The following SLC66A3 variants were observed in gnomAD, a reference collection of about 807,000 sequenced individuals.
The protein encoded by SLC66A3 is solute carrier family 66 member 3, also known as PQ loop repeat containing 3.
SLC66A3 carries 23 observed loss-of-function variants against 25.5 expected under a neutral mutation model. That is an observed-to-expected ratio of 0.90 (90% CI 0.65 to 1.28). SLC66A3 has a LOEUF of 1.28. SLC66A3 is among the 50% of genes most tolerant of loss of function. The probability of loss-of-function intolerance (pLI) is 0.00; values close to 1 mark genes in which losing one functional copy is unlikely to be tolerated. For missense variants in SLC66A3, 246 were observed against 262.1 expected (o/e 0.94, Z 0.42); for synonymous variants, 108 against 112.6 (o/e 0.96, Z 0.26).
rs1048256563 is a variant in SLC66A3 at position 11,155,531 on chromosome 2, C to T, written c.-16C>T. 6.7e-6 allele frequency: 10 copies of T among 1,487,734 alleles called. No homozygotes were observed. Among genetic ancestry groups the T allele is most frequent in the African/African-American group, 2.9e-5 (2 of 68,614 alleles). 92.2% of individuals were successfully genotyped at this position (1,487,734 alleles called of 1,614,324 possible). On this transcript the variant is annotated 5_prime_UTR_variant, in exon 1 of 7. Coordinates refer to ENST00000295083, the MANE Select transcript of SLC66A3 (RefSeq NM_152391.5). ...CTTCTCGCTGCGGCCGCCCAGGTGC[C>T]CGCGCCCGTGGCGCTATGGAGGCGG...
chr2:11,163,348 G>A (rs934303602), intron 3 of SLC66A3, among the ~76,000 whole-genome samples: 2 of 152,126 alleles, frequency 1.3e-5, no homozygotes, highest in African/African-American at 2.4e-5. Context: ...ACAAAAATTA[G>A]ATTTAAAAAT....
At chr2:11,171,099 C>T (rs1044344860) in intron 4 of SLC66A3, among the ~76,000 whole-genome samples, 1 of 152,056 alleles carries the variant, frequency 6.6e-6, no homozygotes, top group African/African-American at 2.4e-5. Context: ...AGGCAGATCA[C>T]CTGAGGTCAG....
chr2:11,160,438 G>A (rs372784690), intron 1 of SLC66A3, 28 bp from the exon 2 acceptor site: 37 of 1,606,656 alleles, frequency 2.3e-5, no homozygotes, highest in East Asian at 4.5e-5. Flanking sequence ...TGGGGCAGCC[G>A]TGTGGACATG....
intron 1 of SLC66A3, among the ~76,000 whole-genome samples, chr2:11,160,038 G>A (rs915507565): frequency 1.9e-4 from 29 of 152,288 alleles, no homozygotes; most frequent in African/African-American, 6.3e-4. Context: ...GGATCCTTGC[G>A]CCTCTGCAGC....
intron 1 of SLC66A3, among the ~76,000 whole-genome samples, chr2:11,158,788 C>T (rs568044877): frequency 2.0e-3 from 308 of 152,142 alleles, no homozygotes; most frequent in South Asian, 4.8e-3. Context: ...CACTGCACTC[C>T]AGCCTGGGCG....
chr2:11,162,763 T>C (rs58783187), intron 3 of SLC66A3, among the ~76,000 whole-genome samples: 10,704 of 152,104 alleles, frequency 0.07, 483 homozygotes, highest in African/African-American at 0.13. Flanking sequence ...CCCACCACCA[T>C]GCCCGGCTAA....
At chr2:11,163,138 TG>T (rs1249065629) in intron 3 of SLC66A3, among the ~76,000 whole-genome samples, 2 of 152,150 alleles carry the variant, frequency 1.3e-5, no homozygotes, top group African/African-American at 4.8e-5. Flanking sequence ...CCCAGCTACT[TG>T]GGGAAAGTTA....
chr2:11,177,239 T>C (rs889032380), intron 6 of SLC66A3, among the ~76,000 whole-genome samples: 8 of 152,062 alleles, frequency 5.3e-5, no homozygotes, highest in Non-Finnish European at 1.0e-4. Flanking sequence ...GTGGGCAGAT[T>C]ACTTGAGGTC....
intron 6 of SLC66A3, among the ~76,000 whole-genome samples, chr2:11,177,348 T>C (rs1662791932): frequency 1.3e-5 from 2 of 151,172 alleles, no homozygotes; most frequent in Admixed American, 1.3e-4. Context: ...TCATCCCAGG[T>C]GCCTGGGGAG....
chr2:11,160,488 C>T lies in SLC66A3; in HGVS notation c.166C>T (p.Gln56Ter). ...LAGFLVFLRY[Q>*]CYYGYPPLTY... ...CAGATTCCTGGTGTTTCTGCGGTAC[C>T]AGTGTTACTATGGGTATCCGCCGCT... The change falls in exon 2 of 7, where the codon CAG becomes TAG. Residue 56 changes from glutamine to a stop codon, truncating the protein, a stop_gained. Coordinates refer to ENST00000295083, the MANE Select transcript of SLC66A3 (RefSeq NM_152391.5). LOFTEE classifies it high-confidence loss of function. 1.9e-6 allele frequency: 3 copies of T among 1,614,138 alleles called. No individual in the cohort carries two copies. Among genetic ancestry groups the T allele is most frequent in the Non-Finnish European group, 2.5e-6 (3 of 1,180,024 alleles).
At chr2:11,177,692 T>A in intron 6 of SLC66A3, 45 bp from the exon 7 acceptor site, 1 of 1,267,432 alleles carries the variant, frequency 7.9e-7, no homozygotes, top group Admixed American at 1.8e-5. Flanking sequence ...GGTTTTGGTC[T>A]GTATTGTAAA....
intron 6 of SLC66A3, among the ~76,000 whole-genome samples, chr2:11,176,588 G>A (rs553847759): frequency 0.023 from 2,610 of 112,886 alleles, 33 homozygotes; most frequent in Middle Eastern, 0.041. Flanking sequence ...GAGTGCAGTG[G>A]CGGGATCTCG....
At chr2:11,163,975 T>G (rs1010232549) in intron 3 of SLC66A3, among the ~76,000 whole-genome samples, 8 of 152,290 alleles carry the variant, frequency 5.3e-5, no homozygotes, top group African/African-American at 1.9e-4. Flanking sequence ...CGTGGGTGTC[T>G]TTGTATTTCT....
intron 6 of SLC66A3, among the ~76,000 whole-genome samples, chr2:11,175,859 C>T (rs1173529307): frequency 6.6e-6 from 1 of 152,234 alleles, no homozygotes; most frequent in Non-Finnish European, 1.5e-5. Flanking sequence ...AGCATGTAGA[C>T]CTTTTAAATG....
intron 5 of SLC66A3, among the ~76,000 whole-genome samples, chr2:11,174,544 T>C (rs1192679674): frequency 3.3e-5 from 5 of 152,166 alleles, no homozygotes; most frequent in Non-Finnish European, 7.4e-5. Context: ...TCACCCAGGC[T>C]GGAGTCAATT....
At position 11,176,629 on chromosome 2, in the gene SLC66A3, C is replaced by A. The variant is rs1250954901; in HGVS notation, c.518-1108C>A. ...CTGCAAGCTCCGCCTCCCGGGTTCACGCCATTCTCCTGCCTCAGCCTCCCA... is the reference window on the plus strand; with the variant it reads ...CTGCAAGCTCCGCCTCCCGGGTTCAAGCCATTCTCCTGCCTCAGCCTCCCA... On this transcript the variant is annotated intron_variant, in intron 6 of 6. Transcript: ENST00000295083. Among the ~76,000 whole-genome samples the A allele has an allele frequency of 2.1e-5, 3 of 139,920 alleles. No homozygotes were observed. The East Asian group carries it at 6.8e-4, about 32-fold the overall frequency. 91.8% of individuals were successfully genotyped at this position (139,920 alleles called of 152,430 possible).
intron 6 of SLC66A3, among the ~76,000 whole-genome samples, chr2:11,177,263 C>T (rs1662788166): frequency 6.6e-6 from 1 of 152,048 alleles, no homozygotes; most frequent in African/African-American, 2.4e-5. Flanking sequence ...AGTTTGAGAC[C>T]AGCCTGGGCA....
At chr2:11,159,624 G>A (rs569394657) in intron 1 of SLC66A3, among the ~76,000 whole-genome samples, 2 of 152,264 alleles carry the variant, frequency 1.3e-5, no homozygotes, top group South Asian at 4.1e-4. Context: ...ACCCTGGGGG[G>A]CCCCTCCTGT....
intron 4 of SLC66A3, among the ~76,000 whole-genome samples, chr2:11,167,892 C>T (rs1024584068): frequency 3.9e-5 from 6 of 152,188 alleles, no homozygotes; most frequent in Non-Finnish European, 7.3e-5. Flanking sequence ...TACCCGAGAT[C>T]GTTCCCCCAG....
Sources: allele counts gnomAD v4.1 joint callset (sites outside exome capture counted in the v4.1 genomes callset), GRCh38; gene constraint gnomAD v4.1.1; transcripts MANE v1.5; gene names NCBI Gene and HGNC (gene_info 2026-07-23, HGNC 2026-07-21).